Variants in MYH15 observed in about 807,000 individuals in gnomAD.
MYH15 encodes the protein myosin-15.
Under a neutral mutation model 240.5 loss-of-function variants are expected in MYH15, and 227 were observed. The observed-to-expected ratio is 0.94, with a 90% CI of 0.85 to 1.05. MYH15 has a LOEUF of 1.05. MYH15 is among the 50% of genes least tolerant of loss of function. The pLI is 0.00. For synonymous variants in MYH15, 785 were observed against 796.7 expected (o/e 0.99, Z 0.25); for missense variants, 2,217 against 2,247.5 (o/e 0.99, Z 0.27).
At chr3:108,484,548 G>A (rs1191897281) in intron 11 of MYH15, among the ~76,000 whole-genome samples, 2 of 151,900 alleles carry the variant, frequency 1.3e-5, no homozygotes, top group Admixed American at 6.6e-5. Context: ...GAGCGATCTC[G>A]GCTCACTACA....
the MYH15 span, among the ~76,000 whole-genome samples, chr3:108,549,250 A>G: frequency 6.6e-6 from 1 of 152,028 alleles, no homozygotes; most frequent in African/African-American, 2.4e-5. Context: ...TTTTAGAAAA[A>G]AAATATTTAC....
At chr3:108,408,961 A>G (rs1163937744) in intron 31 of MYH15, among the ~76,000 whole-genome samples, 1 of 152,202 alleles carries the variant, frequency 6.6e-6, no homozygotes, top group Non-Finnish European at 1.5e-5. Flanking sequence ...TCTCATGAAC[A>G]TAAGCCTTTG....
In MYH15 at chr3:108,420,958, G is replaced by A. The variant is rs192826062; in HGVS notation, c.3829+130C>T. The A allele has an allele frequency of 8.5e-5, 111 of 1,304,508 alleles. No individual in the cohort carries two copies. In the African/African-American group the frequency reaches 1.5e-3, roughly 17 times the overall value. The allele number at this position is 1,304,508 out of a possible 1,614,324, so 80.8% of individuals were successfully genotyped here. On this transcript the variant is annotated intron_variant, in intron 28 of 40. Coordinates refer to ENST00000693548, the MANE Select transcript of MYH15 (RefSeq NM_014981.3). ...ATGTGTGTGGCAAAGCTGTCTCAGA[G>A]GCTGCATTCCTCCCCTAGGATCTTC...
In MYH15 at chr3:108,500,375, T is replaced by C. The variant is rs2083426956; in HGVS notation, c.340-101A>G. The stretch of plus-strand genomic sequence containing the variant: ...GTAATATTTGCTCAAATATTACTTA[T>C]AAAGGAACTCAGAGGGGAGCTTTTG... On this transcript the variant is annotated intron_variant, in intron 3 of 40. Transcript: ENST00000693548. 6 of 1,282,268 alleles carry C rather than the reference T, an allele frequency of 4.7e-6. 1 individual carries two copies. In the East Asian group the frequency reaches 1.2e-4, roughly 26 times the overall value. 79.4% of individuals were successfully genotyped at this position (1,282,268 alleles called of 1,614,324 possible). A position where few individuals can be genotyped will look rare whatever the true frequency, so the allele number is the denominator to read the frequency against.
rs767645025 is a variant in MYH15 at position 108,428,762 on chromosome 3, C to G, written c.3432G>C (p.Glu1144Asp). 6.2e-7 allele frequency: 1 copy of G among 1,613,996 alleles called. No homozygotes were observed. The highest frequency in any genetic ancestry group is 8.5e-7 in the Non-Finnish European group (1 of 1,180,004). Residue 1144 changes from glutamate to aspartate, a missense_variant, in exon 27 of 41, where the codon GAG becomes GAC. Physicochemically the swap from Glu to Asp is conservative, Grantham distance 45. Coordinates refer to ENST00000693548, the MANE Select transcript of MYH15 (RefSeq NM_014981.3). ...DLADLNERLE[E>D]VGGSSLAQLE... Reference sequence around the variant, plus strand: ...GCTGAGCCAAACTGGATCCTCCTACCTCCTCCAGCCTCTCATTCAAGTCAG... The same window carrying G: ...GCTGAGCCAAACTGGATCCTCCTACGTCCTCCAGCCTCTCATTCAAGTCAG...
In MYH15 at chr3:108,410,781, T is replaced by A; in HGVS notation, c.4297A>T (p.Arg1433Trp). The A allele has an allele frequency of 6.2e-7, 1 of 1,614,152 alleles. No individual in the cohort carries two copies. Among genetic ancestry groups the A allele is most frequent in the Non-Finnish European group, 8.5e-7 (1 of 1,179,990 alleles). ...DLGKVRSAAA[R>W]LDQKQLQSGK... ...GACTGCAGCTGCTTCTGGTCCAGCC[T>A]GGCTGCTGCAGAGCGGACCTTCCCG... The change falls in exon 31 of 41, where the codon AGG becomes TGG. Residue 1433 changes from arginine (R) to tryptophan (W), a missense_variant. Physicochemically the swap from Arg to Trp is moderately radical, Grantham distance 101. Transcript: ENST00000693548.
intron 22 of MYH15, 68 bp downstream of exon 22, chr3:108,444,572 C>A (rs1016909080): frequency 1.4e-5 from 21 of 1,552,492 alleles, no homozygotes; most frequent in Non-Finnish European, 1.6e-5. Flanking sequence ...TCCGTGTCAA[C>A]ACTGCCTGCT....
At chr3:108,469,614 T>G (rs984708989) in intron 14 of MYH15, among the ~76,000 whole-genome samples, 4 of 152,238 alleles carry the variant, frequency 2.6e-5, no homozygotes, top group Non-Finnish European at 1.5e-5. Context: ...TGAGGATTGA[T>G]GGCAGTTGTT....
rs1279429660 is a variant in MYH15, at chr3:108,486,529, A to T, written c.872-3T>A. On this transcript the variant is annotated splice_polypyrimidine_tract_variant and splice_region_variant and intron_variant, in intron 9 of 40. Coordinates refer to ENST00000693548, the MANE Select transcript of MYH15 (RefSeq NM_014981.3). ...ATTTGCAGATACCAGGAGCAGGTCT[A>T]GAGTGGGAAAACGATTCGTTAAACA... 6.3e-7 allele frequency: 1 copy of T among 1,597,896 alleles called. No homozygotes were observed. The highest frequency in any genetic ancestry group is 1.1e-5 in the South Asian group (1 of 89,456).
chr3:108,499,206 T>C (rs1009469534), intron 5 of MYH15, among the ~76,000 whole-genome samples: 41 of 152,170 alleles, frequency 2.7e-4, no homozygotes, highest in African/African-American at 9.9e-4. Context: ...TAAGACCAGC[T>C]TGTGCACTAT....
In MYH15 at chr3:108,391,908, A is replaced by T; in HGVS notation, c.5282T>A (p.Leu1761Gln). 1 of 1,613,970 alleles carries T rather than the reference A, an allele frequency of 6.2e-7. No homozygotes were observed. Among genetic ancestry groups the T allele is most frequent in the Admixed American group, 1.7e-5 (1 of 59,998 alleles). Reference protein sequence around the residue: ...AIEAANLSEELKKKQDTIAHL... With the variant: ...AIEAANLSEEQKKKQDTIAHL... ...GGCAATGGTGTCTTGCTTCTTCTTC[A>T]GTTCTTCTGACAAGTTTGCTGCCTA... The change falls in exon 37 of 41, where the codon CTG becomes CAG. Residue 1761 changes from leucine to glutamine, a missense_variant. Coordinates refer to ENST00000693548, the MANE Select transcript of MYH15 (RefSeq NM_014981.3).
chr3:108,425,505 G>C (rs1187535472), intron 27 of MYH15, among the ~76,000 whole-genome samples: 1 of 152,098 alleles, frequency 6.6e-6, no homozygotes, highest in Non-Finnish European at 1.5e-5. Flanking sequence ...CATGGGAATG[G>C]GAATGGAAAA....
intron 5 of MYH15, among the ~76,000 whole-genome samples, chr3:108,498,432 A>C (rs868496825): frequency 2.6e-5 from 4 of 152,304 alleles, no homozygotes; most frequent in Middle Eastern, 3.4e-3. Context: ...AGCAGCAGGA[A>C]AGCACCTCTT....
intron 12 of MYH15, among the ~76,000 whole-genome samples, chr3:108,473,984 TG>T (rs2083198526): frequency 6.6e-6 from 1 of 152,230 alleles, no homozygotes; most frequent in Admixed American, 6.5e-5. Flanking sequence ...CCATCTTAAA[TG>T]CCAATTACCA....
intron 18 of MYH15, 42 bp downstream of exon 18, chr3:108,459,320 A>T (rs2107580182): frequency 7.8e-7 from 1 of 1,274,764 alleles, no homozygotes; most frequent in African/African-American, 1.5e-5. Flanking sequence ...CTAATATCAA[A>T]TCTATTTCCT....
At chr3:108,466,847 C>G (rs776730089) in intron 14 of MYH15, among the ~76,000 whole-genome samples, 1 of 152,162 alleles carries the variant, frequency 6.6e-6, no homozygotes, top group Non-Finnish European at 1.5e-5. Context: ...TCTCATCTGT[C>G]TAGTGTTGGA....
At chr3:108,469,954 T>G (rs930342771) in intron 14 of MYH15, 88 bp downstream of exon 14, 1 of 1,311,864 alleles carries the variant, frequency 7.6e-7, no homozygotes, top group Non-Finnish European at 1.0e-6. Context: ...CATCCTCTGA[T>G]AGGGCCTAAG....
chr3:108,493,030 G>GAAGGAAGA, intron 8 of MYH15, 84 bp downstream of exon 8: 1 of 1,058,794 alleles, frequency 9.4e-7, no homozygotes, highest in South Asian at 1.4e-5. Flanking sequence ...GAAAAGGAAG[G>GAAGGAAGA]AAGGAAGGAA....
chr3:108,478,467 G>A (rs2083238672), intron 11 of MYH15, among the ~76,000 whole-genome samples: 1 of 152,164 alleles, frequency 6.6e-6, no homozygotes, highest in South Asian at 2.1e-4. Context: ...TGCTAACAGT[G>A]CCAGGTTTGG....
Sources: gnomAD v4.1 joint callset for allele counts (sites outside exome capture counted in the v4.1 genomes callset) on GRCh38, gnomAD v4.1.1 for gene constraint, MANE v1.5 for transcripts, NCBI Gene and HGNC (gene_info 2026-07-23, HGNC 2026-07-21) for gene names.